DAB1: variants seen among roughly 807,000 people sequenced by gnomAD.
DAB1 encodes the protein DAB adaptor protein 1.
A neutral mutation model predicts 64.6 loss-of-function variants in DAB1; 15 were observed. The observed-to-expected ratio is 0.23, with a 90% confidence interval of 0.16 to 0.36. The LOEUF (loss-of-function observed/expected upper bound fraction) is 0.36, where lower values mean the gene tolerates loss of function less well. Among genes scored for constraint, DAB1 ranks in the 10% least tolerant of loss-of-function variants. The pLI is 1.00. For synonymous variants in DAB1, 235 were observed against 251.9 expected, an observed-to-expected ratio of 0.93 and a Z score of 0.64; for missense variants, 596 against 706.7, an observed-to-expected ratio of 0.84 and a Z score of 1.78.
intron 6 of DAB1, among the ~76,000 whole-genome samples, chr1:57,792,012 G>T (rs1255301457): frequency 6.6e-6 from 1 of 152,172 alleles, no homozygotes; most frequent in East Asian, 1.9e-4. Context: ...CTAAGGCAAA[G>T]ACTTAATTTT....
chr1:57,137,457 G>C (rs140780822), intron 3 of DAB1, among the ~76,000 whole-genome samples: 94 of 152,286 alleles, frequency 6.2e-4, no homozygotes, highest in African/African-American at 2.0e-3. Flanking sequence ...AAGTTGATAT[G>C]ATTCAAGTTA....
intron 1 of DAB1, among the ~76,000 whole-genome samples, chr1:57,381,565 G>A (rs1470556090): frequency 6.6e-6 from 1 of 152,008 alleles, no homozygotes; most frequent in Non-Finnish European, 1.5e-5. Context: ...TCTCTATTTT[G>A]TTCAGGTCCG....
At chr1:58,082,763 T>C (rs576095353) in intron 5 of DAB1, among the ~76,000 whole-genome samples, 60 of 152,054 alleles carry the variant, frequency 3.9e-4, no homozygotes, top group Non-Finnish European at 7.6e-4. Flanking sequence ...AGAGGGTTGC[T>C]GTAGCCGGCA....
intron 5 of DAB1, among the ~76,000 whole-genome samples, chr1:57,897,374 A>G (rs913512915): frequency 6.6e-6 from 1 of 152,146 alleles, no homozygotes; most frequent in Non-Finnish European, 1.5e-5. Context: ...CCATGGCCCA[A>G]TTCTTAATTG....
At chr1:57,218,949 CA>C (rs970262831) in intron 2 of DAB1, among the ~76,000 whole-genome samples, 1 of 152,072 alleles carries the variant, frequency 6.6e-6, no homozygotes, top group African/African-American at 2.4e-5. Flanking sequence ...TGGAATTATA[CA>C]GGGGGAAGAT....
chr1:58,142,602 C>A (rs936599068), intron 5 of DAB1, among the ~76,000 whole-genome samples: 2 of 152,244 alleles, frequency 1.3e-5, no homozygotes, highest in African/African-American at 4.8e-5. Flanking sequence ...CCTATGCTCC[C>A]TTTCATGGCC....
At chr1:57,829,339 T>G (rs1262252593) in intron 1 of DAB1, among the ~76,000 whole-genome samples, 1 of 152,232 alleles carries the variant, frequency 6.6e-6, no homozygotes, top group African/African-American at 2.4e-5. Context: ...TTTGTGGTTT[T>G]GGAGCCTCAG....
intron 7 of DAB1, among the ~76,000 whole-genome samples, chr1:57,477,171 T>A (rs776493347): frequency 6.6e-6 from 1 of 152,224 alleles, no homozygotes; most frequent in African/African-American, 2.4e-5. Context: ...ACAGGTGGCA[T>A]GAACAACATG....
At chr1:57,528,106 T>G (rs1644615410) in intron 7 of DAB1, among the ~76,000 whole-genome samples, 1 of 152,150 alleles carries the variant, frequency 6.6e-6, no homozygotes, top group African/African-American at 2.4e-5. Context: ...ATGATAAATA[T>G]TTTTTAAATC....
intron 2 of DAB1, among the ~76,000 whole-genome samples, chr1:57,281,489 C>G (rs1671889590): frequency 6.6e-6 from 1 of 152,170 alleles, no homozygotes; most frequent in African/African-American, 2.4e-5. Context: ...GCAATTGATT[C>G]AGTGGGACCA....
intron 7 of DAB1, among the ~76,000 whole-genome samples, chr1:57,449,384 CT>C (rs11418578): frequency 0.16 from 21,615 of 139,436 alleles, 1,656 homozygotes; most frequent in African/African-American, 0.23. Flanking sequence ...TGTCTATCTG[CT>C]TTTTTTTTTT....
At chr1:58,085,975 T>C (rs1003810994) in intron 5 of DAB1, among the ~76,000 whole-genome samples, 1 of 143,164 alleles carries the variant, frequency 7.0e-6, no homozygotes, top group Non-Finnish European at 1.5e-5. Flanking sequence ...TTTTTTTTTT[T>C]TTTTTTGAGA....
intron 6 of DAB1, among the ~76,000 whole-genome samples, chr1:57,809,704 C>T (rs976379146): frequency 2.0e-5 from 3 of 152,162 alleles, no homozygotes; most frequent in Non-Finnish European, 2.9e-5. Context: ...GTTCTCCCCA[C>T]ATGACACCAT....
chr1:57,260,559 C>T (rs1384853459), intron 2 of DAB1, among the ~76,000 whole-genome samples: 1 of 152,156 alleles, frequency 6.6e-6, no homozygotes, highest in Non-Finnish European at 1.5e-5. Context: ...ACTAGACTGC[C>T]TGTTAAGAGT....
chr1:57,763,781 G>C (rs1385532325), intron 6 of DAB1, among the ~76,000 whole-genome samples: 1 of 152,158 alleles, frequency 6.6e-6, no homozygotes, highest in African/African-American at 2.4e-5. Flanking sequence ...TGAATCCCCT[G>C]TACAGTAAGC....
intron 7 of DAB1, among the ~76,000 whole-genome samples, chr1:57,576,326 T>C (rs1645249640): frequency 6.6e-6 from 1 of 152,148 alleles, no homozygotes; most frequent in African/African-American, 2.4e-5. Context: ...TACTATACAA[T>C]GGGCTTATTG....
At chr1:58,181,636 C>T (rs779447697) in intron 4 of DAB1, among the ~76,000 whole-genome samples, 94 of 152,022 alleles carry the variant, frequency 6.2e-4, no homozygotes, top group Admixed American at 1.2e-3. Context: ...TTTCAACATG[C>T]ACCTTAACTT....
chr1:57,317,993 A>G (rs1675361782), intron 1 of DAB1, among the ~76,000 whole-genome samples: 4 of 152,066 alleles, frequency 2.6e-5, no homozygotes, highest in Non-Finnish European at 5.9e-5. Context: ...TGTAAATTTT[A>G]CAGTCAATGC....
intron 1 of DAB1, among the ~76,000 whole-genome samples, chr1:57,387,835 AAAAAG>A (rs1465487090): frequency 1.3e-5 from 2 of 151,298 alleles, no homozygotes; most frequent in Non-Finnish European, 3.0e-5. Flanking sequence ...AAAAAAAAAA[AAAAAG>A]AGAGAGAAAA....
Sources: gnomAD v4.1 joint callset for allele counts (sites outside exome capture counted in the v4.1 genomes callset) on GRCh38, gnomAD v4.1.1 for gene constraint, MANE v1.5 for transcripts, NCBI Gene and HGNC (gene_info 2026-07-23, HGNC 2026-07-21) for gene names.